Variants in MEMO1 observed in about 807,000 individuals in gnomAD.
MEMO1 encodes mediator of cell motility 1.
MEMO1 carries 6 observed loss-of-function variants against 45.2 expected under a neutral mutation model. The ratio of observed to expected loss-of-function variants is 0.13; its 90% CI spans 0.07 to 0.26. MEMO1 has a LOEUF of 0.26. Among genes scored for constraint, MEMO1 ranks in the 10% least tolerant of loss-of-function variants. The pLI is 1.00. For missense variants in MEMO1, 184 were observed against 370.5 expected (o/e 0.50, Z 4.13); for synonymous variants, 78 against 124.3 (o/e 0.63, Z 2.48).
At chr2:31,949,653 A>AC (rs1191269462) in intron 2 of MEMO1, among the ~76,000 whole-genome samples, 1 of 151,300 alleles carries the variant, frequency 6.6e-6, no homozygotes, top group African/African-American at 2.4e-5. Flanking sequence ...AAAAAAAAAA[A>AC]AAAAAAAAAC....
At chr2:31,969,849 G>GC (rs950461240) in intron 2 of MEMO1, among the ~76,000 whole-genome samples, 1 of 151,422 alleles carries the variant, frequency 6.6e-6, no homozygotes. Flanking sequence ...TCCCACCTTG[G>GC]CCCCCCAAAA....
At chr2:32,009,595 A>C (rs940156310) in intron 2 of MEMO1, among the ~76,000 whole-genome samples, 2 of 152,206 alleles carry the variant, frequency 1.3e-5, no homozygotes, top group African/African-American at 4.8e-5. Flanking sequence ...CGGGGCGAGA[A>C]GACTTCCTCT....
At chr2:31,883,320 G>T (rs1369178124) in intron 8 of MEMO1, 66 bp downstream of exon 8, 6 of 1,085,266 alleles carry the variant, frequency 5.5e-6, no homozygotes, top group Admixed American at 2.7e-5. Flanking sequence ...GTTAAGTCTT[G>T]AATTACTAAT....
chr2:31,888,819 T>C (rs1175032035), intron 7 of MEMO1, among the ~76,000 whole-genome samples: 2 of 151,974 alleles, frequency 1.3e-5, no homozygotes, highest in Admixed American at 6.6e-5. Flanking sequence ...AATGAGGGGA[T>C]TGAAAGAAGG....
At chr2:31,892,910 G>A (rs936450668) in intron 6 of MEMO1, among the ~76,000 whole-genome samples, 21 of 151,918 alleles carry the variant, frequency 1.4e-4, no homozygotes, top group Admixed American at 5.9e-4. Flanking sequence ...AGAAACAGAT[G>A]TTCATTCAAA....
intron 2 of MEMO1, among the ~76,000 whole-genome samples, chr2:31,965,758 G>C (rs1252276701): frequency 1.3e-5 from 2 of 152,106 alleles, no homozygotes; most frequent in Non-Finnish European, 2.9e-5. Context: ...CTTATAAGTA[G>C]GAGCTGAACA....
chr2:31,906,160 T>C (rs1319978949), intron 6 of MEMO1, among the ~76,000 whole-genome samples: 2 of 151,730 alleles, frequency 1.3e-5, no homozygotes, highest in East Asian at 1.9e-4. Context: ...TTAGTAGAGA[T>C]GGGGTTTTAC....
intron 6 of MEMO1, among the ~76,000 whole-genome samples, chr2:31,913,103 A>G (rs1680851167): frequency 6.6e-6 from 1 of 151,986 alleles, no homozygotes; most frequent in Non-Finnish European, 1.5e-5. Context: ...AAGGTCTACT[A>G]AAAATACAAA....
At chr2:31,891,487 A>G (rs1364211768) in intron 7 of MEMO1, among the ~76,000 whole-genome samples, 3 of 152,160 alleles carry the variant, frequency 2.0e-5, no homozygotes, top group Non-Finnish European at 4.4e-5. Context: ...TTAATAGCCA[A>G]TATTTTATAA....
Position 31,930,266 on chromosome 2 carries a change from ATACT to A in MEMO1, c.212+1797_212+1800del, listed in dbSNP as rs544355484. Reference sequence around the variant, plus strand: ...GACAGAGCCAGACTGTGTCTCAAAAATACTTAATTAATTAATTAGAATAAAATAA... The same window carrying A: ...GACAGAGCCAGACTGTGTCTCAAAAATAATTAATTAATTAGAATAAAATAA... On this transcript the variant is annotated intron_variant, in intron 4 of 9. Transcript: ENST00000404530. Among the ~76,000 whole-genome samples, 351 of 152,296 alleles carry A rather than the reference ATACT, an allele frequency of 2.3e-3. 2 individuals carry two copies. The highest frequency in any genetic ancestry group is 5.8e-3 in the South Asian group (28 of 4,826).
intron 6 of MEMO1, among the ~76,000 whole-genome samples, chr2:31,906,812 A>G (rs1572638509): frequency 6.6e-6 from 1 of 152,216 alleles, no homozygotes; most frequent in Non-Finnish European, 1.5e-5. Context: ...TCTATAAGTC[A>G]GCTACTCAAA....
chr2:31,920,459 A>C (rs1479550184), intron 5 of MEMO1, among the ~76,000 whole-genome samples: 1 of 152,150 alleles, frequency 6.6e-6, no homozygotes, highest in Non-Finnish European at 1.5e-5. Context: ...CATGGAAGTA[A>C]ATTAACACGC....
At chr2:31,984,535 C>T (rs914545090) in intron 2 of MEMO1, among the ~76,000 whole-genome samples, 47 of 152,260 alleles carry the variant, frequency 3.1e-4, no homozygotes, top group African/African-American at 1.1e-3. Context: ...GTGGGCTGTG[C>T]GCAGTGGCTC....
chr2:31,966,463 G>T (rs1434899633), intron 2 of MEMO1, among the ~76,000 whole-genome samples: 2 of 152,170 alleles, frequency 1.3e-5, no homozygotes, highest in African/African-American at 4.8e-5. Context: ...AGGCGCGGTG[G>T]CTCACGCCTA....
chr2:31,979,827 C>A (rs1288318043), intron 2 of MEMO1, among the ~76,000 whole-genome samples: 1 of 152,042 alleles, frequency 6.6e-6, no homozygotes, highest in Admixed American at 6.6e-5. Flanking sequence ...GTTGGCTCCT[C>A]TGAACTGTAG....
intron 2 of MEMO1, among the ~76,000 whole-genome samples, chr2:31,943,744 A>G (rs1665887745): frequency 6.6e-6 from 1 of 152,240 alleles, no homozygotes; most frequent in Non-Finnish European, 1.5e-5. Context: ...ATAGAGCACC[A>G]AAATCTGCTC....
intron 2 of MEMO1, among the ~76,000 whole-genome samples, chr2:31,974,298 T>C (rs1485466515): frequency 6.6e-6 from 1 of 152,214 alleles, no homozygotes; most frequent in African/African-American, 2.4e-5. Flanking sequence ...ATTACTATAA[T>C]ATACTGGTTG....
intron 2 of MEMO1, among the ~76,000 whole-genome samples, chr2:31,977,099 C>G (rs997381505): frequency 6.6e-6 from 1 of 151,886 alleles, no homozygotes; most frequent in Non-Finnish European, 1.5e-5. Flanking sequence ...AACTAGAAAG[C>G]AGAAATAGAG....
chr2:31,975,575 C>T lies in MEMO1; in HGVS notation c.62-32192G>A, dbSNP rs184603295. On this transcript the variant is annotated intron_variant, in intron 2 of 9. Transcript: ENST00000404530. ...TACCTAGAAAAAAAGACAGTAGTGT[C>T]CTAGATTCATTTCTTCCTAAGAAGC... 2.5e-3 allele frequency among the ~76,000 whole-genome samples: 381 copies of T among 152,208 alleles called. 1 individual carries two copies. Among genetic ancestry groups the T allele is most frequent in the African/African-American group, 8.9e-3 (371 of 41,532 alleles).
Sources: allele counts gnomAD v4.1 joint callset (sites outside exome capture counted in the v4.1 genomes callset), GRCh38; gene constraint gnomAD v4.1.1; transcripts MANE v1.5; gene names NCBI Gene and HGNC (gene_info 2026-07-23, HGNC 2026-07-21).